The following NOP14 variants were observed in gnomAD, a reference collection of about 807,000 sequenced individuals.
NOP14 encodes nucleolar protein 14.
Under a neutral mutation model 101.6 loss-of-function variants are expected in NOP14, and 57 were observed. That is an observed-to-expected ratio of 0.56 (90% CI 0.45 to 0.70). The LOEUF (loss-of-function observed/expected upper bound fraction) is 0.70, where lower values mean the gene tolerates loss of function less well. NOP14 is among the 30% of genes least tolerant of loss of function. The pLI, the probability that NOP14 is intolerant of heterozygous loss-of-function variation, is 0.00. For missense variants in NOP14, 1,134 were observed against 1,075.5 expected, an observed-to-expected ratio of 1.05 and a Z score of -0.76; for synonymous variants, 428 against 424.0, an observed-to-expected ratio of 1.01 and a Z score of -0.12.
At position 2,950,142 on chromosome 4, in the gene NOP14, G is replaced by C; in HGVS notation, c.1074C>G (p.Asn358Lys). 6.2e-7 allele frequency: 1 copy of C among 1,614,050 alleles called. No homozygotes were observed. The highest frequency in any genetic ancestry group is 1.1e-5 in the South Asian group (1 of 91,078). The part of the protein sequence containing the change: ...QSKEASDPES[N>K]EEEGDSSGGE... ...CGCCTGAACTGTCACCTTCTTCCTC[G>C]TTGCTCTCAGGGTCACTGGCTTCCT... Residue 358 changes from asparagine (N) to lysine (K), a missense_variant, in exon 8 of 18, where the codon AAC (asparagine) becomes AAG (lysine). By Grantham distance (94) the Asn-to-Lys change is moderately conservative. Transcript: ENST00000416614.
intron 10 of NOP14, chr4:2,947,034 G>A (rs530146122): frequency 4.7e-6 from 1 of 212,366 alleles, no homozygotes; most frequent in African/African-American, 2.3e-5. Context: ...ACCAGCCCTG[G>A]GGGCCAGGAG....
Position 2,954,450 on chromosome 4 carries a change from G to A in NOP14, c.586C>T (p.Leu196Phe), listed in dbSNP as rs777886369. ...PKSRKELIEE[L>F]IAKSKQEKRE... ...TTCTCTTGTTTTGACTTGGCAATGA[G>A]CTCTTCAATCAGCTCTTTCCGGGAC... The change falls in exon 4 of 18, where the codon CTC becomes TTC. Residue 196 changes from leucine (L) to phenylalanine (F), a missense_variant. Transcript: ENST00000416614. 2 of 1,614,022 alleles carry A rather than the reference G, an allele frequency of 1.2e-6. No individual in the cohort carries two copies. The highest frequency in any genetic ancestry group is 2.7e-5 in the African/African-American group (2 of 74,916).
Position 2,942,347 on chromosome 4 carries a change from G to T in NOP14, c.1896C>A (p.Ser632=), listed in dbSNP as rs1450079703. 15 of 1,612,982 alleles carry T rather than the reference G, an allele frequency of 9.3e-6. No individual in the cohort carries two copies. The highest frequency in any genetic ancestry group is 1.2e-5 in the Non-Finnish European group (14 of 1,179,228). Residue 632 remains serine, a synonymous_variant, in exon 14 of 18, where the codon TCC becomes TCA. Transcript: ENST00000416614. ...IATPNKASQG[S]TLVHPFRALG... The stretch of plus-strand genomic sequence containing the variant: ...GCGCTCTGAAAGGGTGCACCAGAGT[G>T]GAACCTGAATTCCAAGTGCGACAGG...
intron 1 of NOP14, among the ~76,000 whole-genome samples, chr4:2,960,000 C>T (rs1255528579): frequency 2.0e-5 from 3 of 150,654 alleles, no homozygotes; most frequent in Non-Finnish European, 4.4e-5. Context: ...GATGGAATCT[C>T]GCTCTGTCGC....
chr4:2,957,692 C>T lies in NOP14; in HGVS notation c.244G>A (p.Val82Ile), dbSNP rs369836329. 28 of 1,614,042 alleles carry T rather than the reference C, an allele frequency of 1.7e-5. No homozygotes were observed. The highest frequency in any genetic ancestry group is 2.2e-5 in the East Asian group (1 of 44,908). ...KEYKERDKSNVFRDKRFGEYN... is the reference protein window; with the variant it reads ...KEYKERDKSNIFRDKRFGEYN... Reference sequence around the variant, plus strand: ...TCTCCGAAGCGTTTATCTCTGAATACATTGGATTTATCCCTTTCTTTGTAC... The same window carrying T: ...TCTCCGAAGCGTTTATCTCTGAATATATTGGATTTATCCCTTTCTTTGTAC... The change falls in exon 2 of 18, where the codon GTA (valine) becomes ATA (isoleucine). Residue 82 changes from valine to isoleucine, a missense_variant. Physicochemically the swap from Val to Ile is conservative, Grantham distance 29. Coordinates refer to ENST00000416614, the MANE Select transcript of NOP14 (RefSeq NM_001291978.2).
Position 2,951,093 on chromosome 4 carries a change from AAATG to A in NOP14, c.1002+17_1002+20del, listed in dbSNP as rs750063849. ...AATTAAAAAAAGAGAGAGAAAGAGA[AAATG>A]AAGGCAAACATCTTACTTTGTAGGA... On this transcript the variant is annotated intron_variant, in intron 7 of 17. Transcript: ENST00000416614. 4 of 1,570,698 alleles carry A rather than the reference AAATG, an allele frequency of 2.5e-6. No homozygotes were observed. The highest frequency in any genetic ancestry group is 3.5e-6 in the Non-Finnish European group (4 of 1,156,994).
At position 2,947,504 on chromosome 4, in the gene NOP14, A is replaced by G. The variant is rs1321813372; in HGVS notation, c.1499+22T>C. The G allele has an allele frequency of 2.6e-6, 4 of 1,548,012 alleles. No homozygotes were observed. The South Asian group carries it at 4.5e-5, about 17-fold the overall frequency. ...TGTTCTGCTTAACCCCACATCCCAG[A>G]TGACACACCATTTTTACTTACACAA... On this transcript the variant is annotated intron_variant, in intron 10 of 17. Transcript: ENST00000416614.
rs774280149 is a variant in NOP14, at chr4:2,939,625, C to G, written c.2220G>C (p.Leu740=). The change falls in exon 16 of 18, where the codon CTG becomes CTC. Residue 740 remains leucine, a synonymous_variant. Transcript: ENST00000416614. The stretch of plus-strand genomic sequence containing the variant: ...GCTGCTTCTGGCTTTCCATTTCGGT[C>G]AGTGTGCTCTGACACAGCTCCTGAA... The part of the protein sequence containing the change: ...QELQELCQST[L]TEMESQKQLC... 11 of 1,613,740 alleles carry G rather than the reference C, an allele frequency of 6.8e-6. No individual in the cohort carries two copies. The highest frequency in any genetic ancestry group is 1.1e-5 in the South Asian group (1 of 91,046).
chr4:2,942,976 C>T (rs1330734384), intron 13 of NOP14, among the ~76,000 whole-genome samples: 1 of 152,206 alleles, frequency 6.6e-6, no homozygotes, highest in East Asian at 1.9e-4. Flanking sequence ...GTGGGTCAGG[C>T]CCCGCCCCAC....
In NOP14 at chr4:2,951,184, T is replaced by G. The variant is rs773512684; in HGVS notation, c.932A>C (p.His311Pro). The change falls in exon 7 of 18, where the codon CAT becomes CCT. Residue 311 changes from histidine (H) to proline (P), a missense_variant. Coordinates refer to ENST00000416614, the MANE Select transcript of NOP14 (RefSeq NM_001291978.2). ...ATCATTCAGATCATCTGCTGACATA[T>G]GTTTTGGTTTCTTAACATTTTCATC... is the stretch of plus-strand genomic sequence containing the variant. Reference protein sequence around the residue: ...DEDENVKKPKHMSADDLNDGF... With the variant: ...DEDENVKKPKPMSADDLNDGF... 2 of 1,613,866 alleles carry G rather than the reference T, an allele frequency of 1.2e-6. No individual in the cohort carries two copies. The highest frequency in any genetic ancestry group is 1.1e-5 in the South Asian group (1 of 91,088).
intron 5 of NOP14, among the ~76,000 whole-genome samples, chr4:2,952,909 C>G (rs1289327044): frequency 2.0e-5 from 3 of 152,240 alleles, no homozygotes; most frequent in Admixed American, 6.5e-5. Context: ...GCACTACACT[C>G]CAGCCTGGGT....
intron 5 of NOP14, 97 bp from the exon 6 acceptor site, chr4:2,952,494 G>T: frequency 1.8e-6 from 2 of 1,108,184 alleles, no homozygotes; most frequent in South Asian, 1.9e-5. Flanking sequence ...TCTAGTAATG[G>T]CTAGATAATG....
intron 15 of NOP14, 39 bp from the exon 16 acceptor site, chr4:2,939,684 C>T (rs760539488): frequency 2.0e-6 from 3 of 1,481,056 alleles, no homozygotes; most frequent in Non-Finnish European, 2.8e-6. Context: ...GATGACTCAC[C>T]TGCTGCGTGC....
In NOP14 at chr4:2,947,514, ATT is replaced by A. The variant is rs1484204373; in HGVS notation, c.1499+10_1499+11del. 1 of 1,598,102 alleles carries A rather than the reference ATT, an allele frequency of 6.3e-7. No homozygotes were observed. Among genetic ancestry groups the A allele is most frequent in the Non-Finnish European group, 8.6e-7 (1 of 1,165,560 alleles). ...AACCCCACATCCCAGATGACACACC[ATT>A]TTTACTTACACAACCAACTTATCAA... On this transcript the variant is annotated intron_variant, in intron 10 of 17. Transcript: ENST00000416614.
rs1452582696 is a variant in NOP14 at position 2,945,091 on chromosome 4, A to G, written c.1737+37T>C. 2.0e-5 allele frequency: 29 copies of G among 1,441,162 alleles called. No individual in the cohort carries two copies. The Admixed American group carries it at 5.1e-4, about 25-fold the overall frequency. The allele number at this position is 1,441,162 out of a possible 1,614,324, so 89.3% of individuals were successfully genotyped here. A position where few individuals can be genotyped will look rare whatever the true frequency, so the allele number is the denominator to read the frequency against. On this transcript the variant is annotated intron_variant, in intron 12 of 17. Coordinates refer to ENST00000416614, the MANE Select transcript of NOP14 (RefSeq NM_001291978.2). Reference sequence around the variant, plus strand: ...CTGTGGCTCCGGCCACCCGTGGTGCAGCAGGCCGACCCCTGCCGCATGTGG... The same window carrying G: ...CTGTGGCTCCGGCCACCCGTGGTGCGGCAGGCCGACCCCTGCCGCATGTGG...
intron 15 of NOP14, chr4:2,940,833 G>A (rs1206534950): frequency 6.5e-6 from 1 of 152,878 alleles, no homozygotes; most frequent in South Asian, 2.0e-4. Flanking sequence ...AACTACTCCA[G>A]AGACGAAGCC....
intron 12 of NOP14, 121 bp from the exon 13 acceptor site, chr4:2,944,347 C>T: frequency 1.3e-6 from 1 of 743,112 alleles, no homozygotes; most frequent in Non-Finnish European, 2.2e-6. Context: ...AGAGGGAACC[C>T]CCGCACCTTA....
chr4:2,952,147 C>A, intron 6 of NOP14, 128 bp downstream of exon 6: 134 of 717,166 alleles, frequency 1.9e-4, no homozygotes, highest in Non-Finnish European at 2.3e-4. Flanking sequence ...TAAATATAAA[C>A]TTTAAATAGA....
intron 3 of NOP14, among the ~76,000 whole-genome samples, chr4:2,955,030 CCACGCCACGGCGCCCCCTCTAGTCACCTG>C (rs1715249358): frequency 2.0e-5 from 2 of 98,468 alleles, no homozygotes; most frequent in Non-Finnish European, 4.3e-5. Context: ...CTAGTCACCT[CCACGCCACGGCGCCCCCTCTAGTCACCTG>C]CACGCCACGG....
Sources: gnomAD v4.1 joint callset for allele counts (sites outside exome capture counted in the v4.1 genomes callset) on GRCh38, gnomAD v4.1.1 for gene constraint, MANE v1.5 for transcripts, NCBI Gene and HGNC (gene_info 2026-07-23, HGNC 2026-07-21) for gene names.